The following SCHIP1 variants were observed in gnomAD, a reference collection of about 807,000 sequenced individuals.
SCHIP1 encodes schwannomin interacting protein 1.
A neutral mutation model predicts 29.7 loss-of-function variants in SCHIP1; 8 were observed. The observed-to-expected ratio is 0.27, with a 90% confidence interval of 0.16 to 0.49. The LOEUF (loss-of-function observed/expected upper bound fraction) is 0.49. Among genes scored for constraint, SCHIP1 ranks in the 20% least tolerant of loss-of-function variants. SCHIP1 has a pLI of 0.99. For missense variants in SCHIP1, 193 were observed against 294.6 expected, an observed-to-expected ratio of 0.66 and a Z score of 2.52; for synonymous variants, 76 against 94.9, an observed-to-expected ratio of 0.80 and a Z score of 1.16.
At chr3:159,426,535 A>G in the SCHIP1 span, among the ~76,000 whole-genome samples, 2 of 152,236 alleles carry the variant, frequency 1.3e-5, no homozygotes, top group Admixed American at 6.5e-5. Context: ...AATTGTGGCA[A>G]TAATCAATAG....
chr3:159,689,174 C>G, the SCHIP1 span, among the ~76,000 whole-genome samples: 1 of 152,150 alleles, frequency 6.6e-6, no homozygotes, highest in Non-Finnish European at 1.5e-5. Flanking sequence ...ACTGAATCTA[C>G]AAATTACTTT....
chr3:159,433,399 C>T, the SCHIP1 span, among the ~76,000 whole-genome samples: 8 of 152,160 alleles, frequency 5.3e-5, no homozygotes, highest in Non-Finnish European at 7.3e-5. Context: ...GGGATGACCG[C>T]TTAAGAGCAG....
At chr3:159,630,398 A>G in the SCHIP1 span, among the ~76,000 whole-genome samples, 15 of 152,326 alleles carry the variant, frequency 9.8e-5, no homozygotes, top group African/African-American at 3.6e-4. Context: ...CACAATTCAC[A>G]ATAGCAAAAC....
the SCHIP1 span, among the ~76,000 whole-genome samples, chr3:159,580,925 A>C: frequency 1.1e-3 from 165 of 152,294 alleles, no homozygotes; most frequent in African/African-American, 3.8e-3. Flanking sequence ...GAATGTGGAA[A>C]AATTTAGCAT....
the SCHIP1 span, among the ~76,000 whole-genome samples, chr3:159,601,612 TGCAAAGCTGGAGC>T: frequency 6.6e-6 from 1 of 152,232 alleles, no homozygotes; most frequent in Non-Finnish European, 1.5e-5. Flanking sequence ...ACTCTTCATT[TGCAAAGCTGGAGC>T]ACCAGAGTTT....
chr3:159,374,989 T>A, the SCHIP1 span, among the ~76,000 whole-genome samples: 3 of 152,342 alleles, frequency 2.0e-5, no homozygotes, highest in East Asian at 5.8e-4. Flanking sequence ...TTTATATGTA[T>A]TACATTTTGA....
the SCHIP1 span, among the ~76,000 whole-genome samples, chr3:159,427,231 AT>A: frequency 6.6e-6 from 1 of 150,974 alleles, no homozygotes; most frequent in Non-Finnish European, 1.5e-5. Context: ...AATAAAGGCT[AT>A]TCAATTAGGA....
At chr3:159,505,296 T>C in the SCHIP1 span, among the ~76,000 whole-genome samples, 21 of 152,248 alleles carry the variant, frequency 1.4e-4, no homozygotes, top group African/African-American at 4.8e-4. Context: ...ATGAATTCAA[T>C]GCAATCCAAT....
At chr3:159,507,260 A>T in the SCHIP1 span, among the ~76,000 whole-genome samples, 78,880 of 150,514 alleles carry the variant, frequency 0.52, 20,952 homozygotes, top group East Asian at 0.69. Context: ...ATGATTTGGC[A>T]TTCTGTTTGT....
the SCHIP1 span, among the ~76,000 whole-genome samples, chr3:159,791,700 G>A: frequency 2.0e-5 from 3 of 152,188 alleles, no homozygotes; most frequent in Non-Finnish European, 4.4e-5. Context: ...GCAGAAGCCC[G>A]TGGCTTCCTT....
the SCHIP1 span, among the ~76,000 whole-genome samples, chr3:159,518,803 T>C: frequency 6.6e-6 from 1 of 152,102 alleles, no homozygotes; most frequent in Non-Finnish European, 1.5e-5. Context: ...AGTATGAAAA[T>C]ATCTTTCTAT....
intron 1 of SCHIP1, among the ~76,000 whole-genome samples, chr3:159,850,785 C>G (rs1023003999): frequency 2.0e-5 from 3 of 151,494 alleles, no homozygotes; most frequent in Admixed American, 2.0e-4. Flanking sequence ...CTCATGAGAA[C>G]TCTTATCACC....
the SCHIP1 span, among the ~76,000 whole-genome samples, chr3:159,408,920 A>G: frequency 2.0e-5 from 3 of 152,226 alleles, no homozygotes; most frequent in Non-Finnish European, 4.4e-5. Context: ...TCAACAATAC[A>G]TTAGAAAGAT....
chr3:159,518,728 C>A, the SCHIP1 span, among the ~76,000 whole-genome samples: 1 of 152,184 alleles, frequency 6.6e-6, no homozygotes. Flanking sequence ...GAGGTGGAAG[C>A]AGGTCAGTAC....
the SCHIP1 span, among the ~76,000 whole-genome samples, chr3:159,513,645 G>A: frequency 6.6e-6 from 1 of 152,156 alleles, no homozygotes; most frequent in African/African-American, 2.4e-5. Flanking sequence ...TCGGTGCCAT[G>A]GAGACGGTCT....
At chr3:159,594,031 T>C in the SCHIP1 span, among the ~76,000 whole-genome samples, 46 of 152,210 alleles carry the variant, frequency 3.0e-4, no homozygotes, top group South Asian at 2.1e-4. Flanking sequence ...CTGGAGCTGC[T>C]CACAGCATTG....
At chr3:159,390,903 T>C in the SCHIP1 span, among the ~76,000 whole-genome samples, 1 of 152,072 alleles carries the variant, frequency 6.6e-6, no homozygotes, top group Non-Finnish European at 1.5e-5. Flanking sequence ...AAAACAGAAC[T>C]CAATCTGTAC....
chr3:159,742,343 T>C, the SCHIP1 span, among the ~76,000 whole-genome samples: 1 of 152,170 alleles, frequency 6.6e-6, no homozygotes, highest in Non-Finnish European at 1.5e-5. Flanking sequence ...GTGTGGAATC[T>C]CCAGTGGTAT....
chr3:159,491,092 T>G, the SCHIP1 span, among the ~76,000 whole-genome samples: 1 of 152,160 alleles, frequency 6.6e-6, no homozygotes, highest in East Asian at 1.9e-4. Flanking sequence ...GTGCTGAGCT[T>G]CAGCTGCCAC....
Sources: gnomAD v4.1 joint callset for allele counts (sites outside exome capture counted in the v4.1 genomes callset) on GRCh38, gnomAD v4.1.1 for gene constraint, MANE v1.5 for transcripts, NCBI Gene and HGNC (gene_info 2026-07-23, HGNC 2026-07-21) for gene names.